DLG2: variants seen among roughly 807,000 people sequenced by gnomAD.
DLG2 encodes disks large homolog 2.
In DLG2, 45 loss-of-function variants were observed where a neutral mutation model predicts 132.5. The ratio of observed to expected loss-of-function variants is 0.34; its 90% CI spans 0.27 to 0.44. The LOEUF (loss-of-function observed/expected upper bound fraction) is 0.44, where lower values mean the gene tolerates loss of function less well. Among genes scored for constraint, DLG2 ranks in the 20% least tolerant of loss-of-function variants. The pLI, the probability that DLG2 is intolerant of heterozygous loss-of-function variation, is 1.00. For missense variants in DLG2, 1,045 were observed against 1,196.9 expected (o/e 0.87, Z 1.87); for synonymous variants, 424 against 419.6 (o/e 1.01, Z -0.13).
chr11:84,557,553 T>C (rs2099414373), intron 6 of DLG2, among the ~76,000 whole-genome samples: 1 of 152,188 alleles, frequency 6.6e-6, no homozygotes, highest in Admixed American at 6.6e-5. Flanking sequence ...TGTGGCTATT[T>C]TTCTACAACA....
intron 6 of DLG2, among the ~76,000 whole-genome samples, chr11:85,075,919 A>G (rs1566797758): frequency 6.6e-6 from 1 of 151,922 alleles, no homozygotes; most frequent in Non-Finnish European, 1.5e-5. Context: ...GTCATGTGTT[A>G]TTTGTGAAAT....
intron 14 of DLG2, among the ~76,000 whole-genome samples, chr11:83,942,397 C>A (rs11233826): frequency 6.6e-6 from 1 of 152,036 alleles, no homozygotes; most frequent in East Asian, 1.9e-4. Flanking sequence ...ATATTAAGTA[C>A]GATCCCAATT....
At chr11:85,156,568 T>C (rs1274680904) in intron 4 of DLG2, among the ~76,000 whole-genome samples, 2 of 152,134 alleles carry the variant, frequency 1.3e-5, no homozygotes, top group African/African-American at 4.8e-5. Context: ...TTTGGTCCCA[T>C]GAACTATCCA....
At chr11:83,486,641 C>T (rs1183393677) in intron 21 of DLG2, among the ~76,000 whole-genome samples, 1 of 152,066 alleles carries the variant, frequency 6.6e-6, no homozygotes, top group Non-Finnish European at 1.5e-5. Context: ...CATAATACTA[C>T]TAAGCATCAC....
chr11:83,790,946 G>A lies in DLG2; in HGVS notation c.1723-4154C>T, dbSNP rs180801405. 1,627 of 951,602 alleles carry A rather than the reference G, an allele frequency of 1.7e-3. 14 individuals carry two copies. The highest frequency in any genetic ancestry group is 4.8e-4 in the Non-Finnish European group (294 of 616,002). The allele number at this position is 951,602 out of a possible 1,614,324, so 58.9% of individuals were successfully genotyped here. On this transcript the variant is annotated intron_variant, in intron 17 of 27. Coordinates refer to ENST00000376104, the MANE Select transcript of DLG2 (RefSeq NM_001142699.3). ...AGTCCTGAGGCAGAAGTCCAATAAC[G>A]ACAGGCACATGTTCATCCAGGCGAA...
chr11:83,831,079 C>G (rs2054360795), intron 17 of DLG2, among the ~76,000 whole-genome samples: 1 of 152,126 alleles, frequency 6.6e-6, no homozygotes, highest in South Asian at 2.1e-4. Context: ...ATAAACACTT[C>G]TTTTTTGGGA....
intron 6 of DLG2, among the ~76,000 whole-genome samples, chr11:84,780,894 T>A (rs2071628259): frequency 6.7e-6 from 1 of 150,296 alleles, no homozygotes; most frequent in Non-Finnish European, 1.5e-5. Flanking sequence ...TCCCACTAGA[T>A]GGCAACTGCT....
chr11:84,748,441 T>C (rs558853646), intron 6 of DLG2, among the ~76,000 whole-genome samples: 1 of 152,326 alleles, frequency 6.6e-6, no homozygotes, highest in Admixed American at 6.5e-5. Flanking sequence ...CACAGCACTG[T>C]ACAATTTTAT....
intron 15 of DLG2, among the ~76,000 whole-genome samples, chr11:83,905,062 C>T (rs1018660953): frequency 2.6e-5 from 4 of 152,058 alleles, no homozygotes; most frequent in African/African-American, 9.7e-5. Flanking sequence ...CAGTATCATC[C>T]CATGCATTTA....
chr11:84,666,961 T>C (rs540405629), intron 6 of DLG2, among the ~76,000 whole-genome samples: 5 of 152,288 alleles, frequency 3.3e-5, no homozygotes, highest in South Asian at 2.1e-4. Flanking sequence ...AGAAAATTTA[T>C]GTGTTGTCCT....
chr11:85,261,138 A>C (rs2076918665), intron 4 of DLG2, among the ~76,000 whole-genome samples: 1 of 152,190 alleles, frequency 6.6e-6, no homozygotes, highest in African/African-American at 2.4e-5. Context: ...AATAACAGAC[A>C]GCACAGCAGA....
At chr11:85,378,630 T>C (rs1489138428) in intron 3 of DLG2, among the ~76,000 whole-genome samples, 1 of 152,118 alleles carries the variant, frequency 6.6e-6, no homozygotes, top group Non-Finnish European at 1.5e-5. Flanking sequence ...CTGATTTTTA[T>C]ACAAGAAAAA....
intron 8 of DLG2, among the ~76,000 whole-genome samples, chr11:84,238,122 T>C (rs1268847563): frequency 2.0e-5 from 3 of 149,072 alleles, no homozygotes; most frequent in Non-Finnish European, 4.4e-5. Flanking sequence ...TGAAACAAGG[T>C]AGCTGCAAGG....
At chr11:84,152,341 TTTG>T (rs369101991) in intron 9 of DLG2, among the ~76,000 whole-genome samples, 1,365 of 127,754 alleles carry the variant, frequency 0.011, 20 homozygotes, top group African/African-American at 0.033. Context: ...TGTTTGTTTG[TTTG>T]TTTTTTCTGA....
rs202176997 is a variant in DLG2, at chr11:83,462,083, T to G, written c.2740A>C (p.Lys914Gln). Residue 914 changes from lysine to glutamine, a missense_variant, in exon 27 of 28, where the codon AAG (lysine) becomes CAG (glutamine). Physicochemically the swap from Lys to Gln is moderately conservative, Grantham distance 53. Coordinates refer to ENST00000376104, the MANE Select transcript of DLG2 (RefSeq NM_001142699.3). ...RSLEPLMEMNKRLTEEQAKKT... is the reference protein window; with the variant it reads ...RSLEPLMEMNQRLTEEQAKKT... ...TTGGCTTGTTCCTCTGTTAGACGCTTATTCATCTCCCTGGGAAAATGAGGG... is the reference window on the plus strand; with the variant it reads ...TTGGCTTGTTCCTCTGTTAGACGCTGATTCATCTCCCTGGGAAAATGAGGG... 14 of 1,608,466 alleles carry G rather than the reference T, an allele frequency of 8.7e-6. No individual in the cohort carries two copies. Among genetic ancestry groups the G allele is most frequent in the Non-Finnish European group, 1.1e-5 (13 of 1,174,990 alleles).
chr11:83,699,965 A>AC (rs200442883), intron 18 of DLG2, among the ~76,000 whole-genome samples: 2 of 150,720 alleles, frequency 1.3e-5, no homozygotes, highest in African/African-American at 2.5e-5. Flanking sequence ...ACACACACAC[A>AC]AATACAGTTT....
intron 6 of DLG2, among the ~76,000 whole-genome samples, chr11:84,668,976 C>T (rs2153689131): frequency 6.6e-6 from 1 of 152,148 alleles, no homozygotes. Context: ...GACAATATTC[C>T]TTGTTCTAAC....
chr11:84,426,706 T>G (rs779288926), intron 7 of DLG2, among the ~76,000 whole-genome samples: 5 of 152,116 alleles, frequency 3.3e-5, no homozygotes, highest in Non-Finnish European at 7.4e-5. Flanking sequence ...TTCCCAAGAC[T>G]TGAAATAAAG....
chr11:84,259,812 A>T lies in DLG2; in HGVS notation c.520-8521T>A, dbSNP rs185624973. On this transcript the variant is annotated intron_variant, in intron 7 of 27. Coordinates refer to ENST00000376104, the MANE Select transcript of DLG2 (RefSeq NM_001142699.3). ...GATAACAAAACTAATAACAGTAAGT[A>T]ACTCGCCCAAGGTCATTCAGCTGGT... Among the ~76,000 whole-genome samples the T allele has an allele frequency of 1.2e-3, 179 of 152,308 alleles. 2 individuals carry two copies. Among genetic ancestry groups the T allele is most frequent in the African/African-American group, 4.1e-3 (172 of 41,568 alleles).
Sources: gnomAD v4.1 joint callset for allele counts (sites outside exome capture counted in the v4.1 genomes callset) on GRCh38, gnomAD v4.1.1 for gene constraint, MANE v1.5 for transcripts, NCBI Gene and HGNC (gene_info 2026-07-23, HGNC 2026-07-21) for gene names.